The following RNF40 variants were observed in gnomAD, a reference collection of about 807,000 sequenced individuals.
RNF40 encodes the protein E3 ubiquitin-protein ligase BRE1B.
RNF40 carries 39 observed loss-of-function variants against 123.3 expected under a neutral mutation model. The ratio of observed to expected loss-of-function variants is 0.32; its 90% CI spans 0.24 to 0.41. The LOEUF is 0.41. RNF40 is among the 10% of genes least tolerant of loss of function. The probability of loss-of-function intolerance (pLI) is 1.00; values close to 1 mark genes in which losing one functional copy is unlikely to be tolerated. For missense variants in RNF40, 1,003 were observed against 1,319.9 expected (o/e 0.76, Z 3.72); for synonymous variants, 538 against 526.0 (o/e 1.02, Z -0.31).
At position 30,762,996 on chromosome 16, in the gene RNF40, G is replaced by T. The variant is rs772813802; in HGVS notation, c.133-122G>T. The T allele has an allele frequency of 4.7e-4, 515 of 1,096,190 alleles. 1 individual carries two copies. Among genetic ancestry groups the T allele is most frequent in the Non-Finnish European group, 6.4e-4 (486 of 762,490 alleles). The allele number at this position is 1,096,190 out of a possible 1,614,324, so 67.9% of individuals were successfully genotyped here. A position where few individuals can be genotyped will look rare whatever the true frequency, so the allele number is the denominator to read the frequency against. ...TGAGCCTCCTTAGATTCTGTTAGCG[G>T]TTAGTGTGGGAATACCTCCATCTCC... On this transcript the variant is annotated intron_variant, in intron 2 of 19. Coordinates refer to ENST00000324685, the MANE Select transcript of RNF40 (RefSeq NM_014771.4).
Position 30,768,595 on chromosome 16 carries a change from C to T in RNF40, c.1980-24C>T. On this transcript the variant is annotated intron_variant, in intron 13 of 19. Coordinates refer to ENST00000324685, the MANE Select transcript of RNF40 (RefSeq NM_014771.4). The surrounding 1 kb of genome is among the most constrained non-coding windows in gnomAD (Gnocchi z 4.1). The stretch of plus-strand genomic sequence containing the variant: ...TGGCCTCCAGTCCCACTCACTAAGA[C>T]TTCCTCCTGTACCTTCTTGCCAGGA... 1 of 1,614,104 alleles carries T rather than the reference C, an allele frequency of 6.2e-7. No individual in the cohort carries two copies. The highest frequency in any genetic ancestry group is 8.5e-7 in the Non-Finnish European group (1 of 1,179,942).
chr16:30,771,608 C>G (rs570320767), intron 17 of RNF40, among the ~76,000 whole-genome samples: 132 of 151,516 alleles, frequency 8.7e-4, no homozygotes, highest in African/African-American at 3.0e-3. Context: ...CAGAGTAAGA[C>G]TCCGTCTCAA....
Position 30,762,399 on chromosome 16 carries a change from G to GT in RNF40, c.-72+40dup. 3 of 805,244 alleles carry GT rather than the reference G, an allele frequency of 3.7e-6. No homozygotes were observed. The South Asian group carries it at 6.6e-5, about 18-fold the overall frequency. The allele number at this position is 805,244 out of a possible 1,614,324, so 49.9% of individuals were successfully genotyped here. A position where few individuals can be genotyped will look rare whatever the true frequency, so the allele number is the denominator to read the frequency against. On this transcript the variant is annotated intron_variant, in intron 1 of 19. Transcript: ENST00000324685. Reference sequence around the variant, plus strand: ...CGCCGGGGGGGACGGGATCCAGCAGGTGTGTGCAGGGTGGAGGGTGTTTGG... The same window carrying GT: ...CGCCGGGGGGGACGGGATCCAGCAGGTTGTGTGCAGGGTGGAGGGTGTTTGG...
At position 30,767,978 on chromosome 16, in the gene RNF40, A is replaced by G. The variant is rs777770675; in HGVS notation, c.1514A>G (p.Lys505Arg). 6.8e-6 allele frequency: 11 copies of G among 1,614,130 alleles called. No homozygotes were observed. Among genetic ancestry groups the G allele is most frequent in the Non-Finnish European group, 9.3e-6 (11 of 1,180,058 alleles). ...CTAAAAGGGGACGCCCAGCGATACA[A>G]GCGGAAGCTTCGAGAAGTACAAGCT... is the stretch of plus-strand genomic sequence containing the variant. ...HQLKGDAQRY[K>R]RKLREVQAEI... Residue 505 changes from lysine to arginine, a missense_variant, in exon 12 of 20, where the codon AAG (lysine) becomes AGG (arginine). Lys to Arg is a conservative substitution (Grantham distance 26, BLOSUM62 2). Transcript: ENST00000324685.
At position 30,765,050 on chromosome 16, in the gene RNF40, C is replaced by G; in HGVS notation, c.762C>G (p.Ile254Met). ...ATQLQEKHHRISLEYSELQDK... is the reference protein window; with the variant it reads ...ATQLQEKHHRMSLEYSELQDK... Reference sequence around the variant, plus strand: ...AGCTGCAGGAGAAACACCACCGCATCTCATTGGAGGTGAGGAGCCGGGGGC... The same window carrying G: ...AGCTGCAGGAGAAACACCACCGCATGTCATTGGAGGTGAGGAGCCGGGGGC... The change falls in exon 6 of 20, where the codon ATC (isoleucine) becomes ATG (methionine). Residue 254 changes from isoleucine (I) to methionine (M), a missense_variant. Ile to Met is a conservative substitution (Grantham distance 10). This residue lies in a region of RNF40 where 274 missense variants were observed against 356.9 expected (regional missense o/e 0.77). Transcript: ENST00000324685. The G allele has an allele frequency of 3.1e-6, 5 of 1,614,096 alleles. No homozygotes were observed. The highest frequency in any genetic ancestry group is 4.2e-6 in the Non-Finnish European group (5 of 1,180,010).
At chr16:30,773,059 G>A (rs2054175031) in intron 19 of RNF40, among the ~76,000 whole-genome samples, 1 of 152,174 alleles carries the variant, frequency 6.6e-6, no homozygotes, top group Non-Finnish European at 1.5e-5. Flanking sequence ...GGGGGAGCAG[G>A]TTCTATGGGA....
At position 30,763,410 on chromosome 16, in the gene RNF40, C is replaced by T. The variant is rs978022279; in HGVS notation, c.301-8C>T. On this transcript the variant is annotated splice_polypyrimidine_tract_variant and splice_region_variant and intron_variant, in intron 3 of 19. Coordinates refer to ENST00000324685, the MANE Select transcript of RNF40 (RefSeq NM_014771.4). ...ATTCATAACATTTTTGATGTTTTCT[C>T]CTTCCAGCTGGATGAAACTGTGGAA... The T allele has an allele frequency of 1.9e-6, 3 of 1,600,426 alleles. No individual in the cohort carries two copies. Among genetic ancestry groups the T allele is most frequent in the Non-Finnish European group, 1.7e-6 (2 of 1,173,028 alleles).
At position 30,774,087 on chromosome 16, in the gene RNF40, C is replaced by G. The variant is rs1273144298; in HGVS notation, c.2979C>G (p.His993Gln). The change falls in exon 20 of 20, where the codon CAC becomes CAG. Residue 993 changes from histidine to glutamine, a missense_variant. Physicochemically the swap from His to Gln is conservative, Grantham distance 24. Around this residue, in one of 11 missense-constraint regions of RNF40, gnomAD observed 76 missense variants for 134.1 expected, o/e 0.57. Transcript: ENST00000324685. ...AGTGCAACGCGGCCTTTGGTGCCCA[C>G]GACTTCCATCGTATCTACATCAGCT... is the stretch of plus-strand genomic sequence containing the variant. ...CPKCNAAFGA[H>Q]DFHRIYIS The G allele has an allele frequency of 6.2e-7, 1 of 1,613,732 alleles. No individual in the cohort carries two copies. The highest frequency in any genetic ancestry group is 8.5e-7 in the Non-Finnish European group (1 of 1,179,678).
At position 30,775,262 on chromosome 16, in the gene RNF40, C is replaced by T. The variant is rs577031418; in HGVS notation, c.*1148C>T. 3.0e-5 allele frequency: 10 copies of T among 337,978 alleles called. No homozygotes were observed. Among genetic ancestry groups the T allele is most frequent in the Middle Eastern group, 1.1e-3 (1 of 916 alleles). The allele number at this position is 337,978 out of a possible 1,614,324, so 20.9% of individuals were successfully genotyped here. A position where few individuals can be genotyped will look rare whatever the true frequency, so the allele number is the denominator to read the frequency against. ...GCTGCAGCAGCTGAGCAGCACTTTG[C>T]TGGCTTGGTGTGAGCCTGGGAGGGC... On this transcript the variant is annotated 3_prime_UTR_variant, in exon 20 of 20. Coordinates refer to ENST00000324685, the MANE Select transcript of RNF40 (RefSeq NM_014771.4).
rs756792540 is a variant in RNF40, at chr16:30,763,376, C to T, written c.301-42C>T. On this transcript the variant is annotated intron_variant, in intron 3 of 19. Coordinates refer to ENST00000324685, the MANE Select transcript of RNF40 (RefSeq NM_014771.4). ...AGGAAAGGAGTATCATGTTGGAAAG[C>T]ACTAAGGGATTCATAACATTTTTGA... The T allele has an allele frequency of 2.2e-5, 36 of 1,601,900 alleles. No homozygotes were observed. In the East Asian group the frequency reaches 8.0e-4, roughly 36 times the overall value.
Position 30,766,631 on chromosome 16 carries a change from G to A in RNF40, c.1293+73G>A, listed in dbSNP as rs563729476. 4.6e-5 allele frequency: 73 copies of A among 1,581,872 alleles called. No individual in the cohort carries two copies. The highest frequency in any genetic ancestry group is 3.8e-4 in the East Asian group (17 of 44,408). ...TAGTGTTGACGTGTTTGTGCCTTCC[G>A]AGGCCCTGTGTGCCAGCCAGGGGTC... On this transcript the variant is annotated intron_variant, in intron 10 of 19. Transcript: ENST00000324685. The surrounding 1 kb of genome is among the most constrained non-coding windows in gnomAD (Gnocchi z 5.4).
At chr16:30,762,981 T>C in intron 2 of RNF40, 137 bp from the exon 3 acceptor site, 2 of 998,902 alleles carry the variant, frequency 2.0e-6, no homozygotes, top group Non-Finnish European at 1.5e-6. Flanking sequence ...TGAGCCTCCT[T>C]AGATTCTGTT....
At chr16:30,772,478 A>C (rs77737378) in intron 19 of RNF40, among the ~76,000 whole-genome samples, 4,961 of 152,216 alleles carry the variant, frequency 0.033, 243 homozygotes, top group African/African-American at 0.11. Flanking sequence ...CCAGATGTGT[A>C]ATATGATGGC....
Position 30,768,571 on chromosome 16 carries a change from G to A in RNF40, c.1979+41G>A. On this transcript the variant is annotated intron_variant, in intron 13 of 19. Coordinates refer to ENST00000324685, the MANE Select transcript of RNF40 (RefSeq NM_014771.4). The surrounding 1 kb of genome is among the most constrained non-coding windows in gnomAD (Gnocchi z 4.1). ...TGTCTCCTTCCTGACCCTGCCAGGT[G>A]GCCTCCAGTCCCACTCACTAAGACT... 1 of 1,613,734 alleles carries A rather than the reference G, an allele frequency of 6.2e-7. No individual in the cohort carries two copies. Among genetic ancestry groups the A allele is most frequent in the South Asian group, 1.1e-5 (1 of 91,080 alleles).
chr16:30,763,407 T>C lies in RNF40; in HGVS notation c.301-11T>C, dbSNP rs376349571. 1 of 1,599,558 alleles carries C rather than the reference T, an allele frequency of 6.3e-7. No homozygotes were observed. Among genetic ancestry groups the C allele is most frequent in the African/African-American group, 1.3e-5 (1 of 74,276 alleles). ...GGGATTCATAACATTTTTGATGTTT[T>C]CTCCTTCCAGCTGGATGAAACTGTG... On this transcript the variant is annotated splice_polypyrimidine_tract_variant and intron_variant, in intron 3 of 19. Coordinates refer to ENST00000324685, the MANE Select transcript of RNF40 (RefSeq NM_014771.4).
chr16:30,766,103 A>G lies in RNF40; in HGVS notation c.994-60A>G, dbSNP rs1263211525. On this transcript the variant is annotated intron_variant, in intron 8 of 19. Transcript: ENST00000324685. This position sits in a 1 kb window ranked among gnomAD's most constrained non-coding sequence, Gnocchi z 5.4. Reference sequence around the variant, plus strand: ...GGGGTGGAGTGTATGCTGGGGATGTAAGGGAGGCCTGCTGCCACGTCTGGC... The same window carrying G: ...GGGGTGGAGTGTATGCTGGGGATGTGAGGGAGGCCTGCTGCCACGTCTGGC... 1.9e-6 allele frequency: 3 copies of G among 1,610,648 alleles called. No individual in the cohort carries two copies. Among genetic ancestry groups the G allele is most frequent in the Admixed American group, 1.7e-5 (1 of 59,924 alleles).
At position 30,768,883 on chromosome 16, in the gene RNF40, C is replaced by A; in HGVS notation, c.2143C>A (p.Arg715=). The change falls in exon 15 of 20, where the codon CGA becomes AGA. Residue 715 remains arginine, a synonymous_variant. Coordinates refer to ENST00000324685, the MANE Select transcript of RNF40 (RefSeq NM_014771.4). The surrounding 1 kb of genome is among the most constrained non-coding windows in gnomAD (Gnocchi z 4.1). ...CATCCGGGAATTGGAGGAGAGGGAT[C>A]GAAGGGAGAGCAAGAAGATCGCGGA... ...SRIRELEERD[R]RESKKIADED... is the part of the protein sequence containing the mutation. 6.2e-7 allele frequency: 1 copy of A among 1,614,180 alleles called. No homozygotes were observed. The highest frequency in any genetic ancestry group is 8.5e-7 in the Non-Finnish European group (1 of 1,180,032).
chr16:30,769,273 T>C lies in RNF40; in HGVS notation c.2335T>C (p.Leu779=). The C allele has an allele frequency of 1.9e-6, 3 of 1,614,140 alleles. No individual in the cohort carries two copies. The highest frequency in any genetic ancestry group is 2.5e-6 in the Non-Finnish European group (3 of 1,180,006). The change falls in exon 16 of 20, where the codon TTG becomes CTG. Residue 779 remains leucine (L), a synonymous_variant. Transcript: ENST00000324685. ...ACAGAACGGGCGGCTGCTACAGCAG[T>C]TGCGGGAAAAGGATGATGCCAACTT... ...QEQNGRLLQQ[L]REKDDANFKL...
Position 30,763,024 on chromosome 16 carries a change from T to G in RNF40, c.133-94T>G, listed in dbSNP as rs2053914924. ...AGTGTGGGAATACCTCCATCTCCCA[T>G]GCATTGCAGATGCTCTGCTCCTCTT... On this transcript the variant is annotated intron_variant, in intron 2 of 19. Coordinates refer to ENST00000324685, the MANE Select transcript of RNF40 (RefSeq NM_014771.4). 2.9e-6 allele frequency: 4 copies of G among 1,372,504 alleles called. No homozygotes were observed. The Admixed American group carries it at 7.7e-5, about 26-fold the overall frequency. 85.0% of individuals were successfully genotyped at this position (1,372,504 alleles called of 1,614,324 possible).
Sources: gnomAD v4.1 joint callset for allele counts (sites outside exome capture counted in the v4.1 genomes callset) on GRCh38, gnomAD v4.1.1 for gene constraint, gnomAD v4.1.1 regional missense constraint, Gnocchi (gnomAD v3.1) non-coding constraint, MANE v1.5 for transcripts, NCBI Gene and HGNC (gene_info 2026-07-23, HGNC 2026-07-21) for gene names.